The following CDC42BPB variants were observed in gnomAD, a reference collection of about 807,000 sequenced individuals.
The protein encoded by CDC42BPB is serine/threonine-protein kinase MRCK beta.
Under a neutral mutation model 214.9 loss-of-function variants are expected in CDC42BPB, and 37 were observed. The ratio of observed to expected loss-of-function variants is 0.17; its 90% confidence interval spans 0.13 to 0.23. The LOEUF is 0.23. CDC42BPB is among the 10% of genes least tolerant of loss of function. The probability of loss-of-function intolerance (pLI) is 1.00; values close to 1 mark genes in which losing one functional copy is unlikely to be tolerated. For missense variants in CDC42BPB, 1,694 were observed against 2,227.0 expected (o/e 0.76, Z 4.82); for synonymous variants, 931 against 884.0 (o/e 1.05, Z -0.94).
chr14:102,944,342 G>T lies in CDC42BPB; in HGVS notation c.3957C>A (p.Asp1319Glu). ...SSLDGAEGSF[D>E]IKLPETKGCQ... ...AGCCTTTGGTTTCCGGAAGCTTGAT[G>T]TCAAAGCTGCCTTCCGCTCCATCAA... The change falls in exon 30 of 37, where the codon GAC becomes GAA. Residue 1319 changes from aspartate to glutamate, a missense_variant. Asp to Glu is a conservative substitution (Grantham distance 45). Around this residue, in one of 7 missense-constraint regions of CDC42BPB, gnomAD observed 567 missense variants for 790.3 expected, o/e 0.72. Transcript: ENST00000361246. The surrounding 1 kb of genome is among the most constrained non-coding windows in gnomAD (Gnocchi z 6.6). The T allele has an allele frequency of 6.2e-7, 1 of 1,613,126 alleles. No homozygotes were observed. The highest frequency in any genetic ancestry group is 1.6e-4 in the Middle Eastern group (1 of 6,062).
chr14:102,973,782 G>C (rs1307224129), intron 12 of CDC42BPB, among the ~76,000 whole-genome samples: 1 of 152,052 alleles, frequency 6.6e-6, no homozygotes, highest in Non-Finnish European at 1.5e-5. Context: ...TGGGGGCAAG[G>C]GGGTGGAAGG....
In CDC42BPB at chr14:103,001,395, C is replaced by T. The variant is rs1220773244; in HGVS notation, c.448-1682G>A. Among the ~76,000 whole-genome samples the T allele has an allele frequency of 1.3e-5, 2 of 152,158 alleles. No individual in the cohort carries two copies. Among genetic ancestry groups the T allele is most frequent in the Non-Finnish European group, 2.9e-5 (2 of 68,028 alleles). ...CAGGCAGTGGTGAGCGCCAGCTGACCGCAGGCCGCCTGGTGAGGTGCCCAG... is the reference window on the plus strand; with the variant it reads ...CAGGCAGTGGTGAGCGCCAGCTGACTGCAGGCCGCCTGGTGAGGTGCCCAG... On this transcript the variant is annotated intron_variant, in intron 4 of 36. Transcript: ENST00000361246. The surrounding 1 kb of genome is among the most constrained non-coding windows in gnomAD (Gnocchi z 5.8).
intron 1 of CDC42BPB, among the ~76,000 whole-genome samples, chr14:103,019,384 C>T (rs1042976255): frequency 4.6e-5 from 7 of 152,348 alleles, no homozygotes; most frequent in Admixed American, 1.3e-4. Context: ...CCATCACCCA[C>T]AGCGTCAGCC....
intron 1 of CDC42BPB, among the ~76,000 whole-genome samples, chr14:103,026,054 T>G (rs1170493951): frequency 6.6e-6 from 1 of 151,946 alleles, no homozygotes; most frequent in Non-Finnish European, 1.5e-5. Context: ...TACAAAAAAA[T>G]TAACTCAAAA....
At chr14:103,026,439 T>C (rs1042166919) in intron 1 of CDC42BPB, among the ~76,000 whole-genome samples, 2 of 152,078 alleles carry the variant, frequency 1.3e-5, no homozygotes, top group Admixed American at 6.6e-5. Context: ...CTTTGTGGCC[T>C]TGGATTAGGC....
rs150629546 is a variant in CDC42BPB at position 102,944,473 on chromosome 14, C to T, written c.3826G>A (p.Ala1276Thr). 4.2e-5 allele frequency: 68 copies of T among 1,610,550 alleles called. No individual in the cohort carries two copies. The African/African-American group carries it at 6.4e-4, about 15-fold the overall frequency. Reference protein sequence around the residue: ...EVTRDVIVRAADCKKVHQIEL... With the variant: ...EVTRDVIVRATDCKKVHQIEL... ...ATCTGGTGTACCTTCTTACAGTCAG[C>T]GGCACGGACGATCACTGTGGCAAGG... The change falls in exon 30 of 37, where the codon GCT becomes ACT. Residue 1276 changes from alanine to threonine, a missense_variant. Ala to Thr is a moderately conservative substitution (Grantham distance 58). Transcript: ENST00000361246. This position sits in a 1 kb window ranked among gnomAD's most constrained non-coding sequence, Gnocchi z 6.6.
chr14:102,951,478 G>A (rs1382077721), intron 24 of CDC42BPB, among the ~76,000 whole-genome samples: 10 of 151,766 alleles, frequency 6.6e-5, no homozygotes, highest in African/African-American at 1.9e-4. Context: ...CAGGGCAAGA[G>A]CACAAGATAT....
chr14:102,957,493 C>T (rs1298705909), intron 21 of CDC42BPB, among the ~76,000 whole-genome samples: 5 of 152,168 alleles, frequency 3.3e-5, no homozygotes, highest in Admixed American at 6.5e-5. Flanking sequence ...CAGCAGTGCC[C>T]GGCTCCGCAG....
At chr14:102,983,984 G>A in intron 6 of CDC42BPB, 1 of 692,238 alleles carries the variant, frequency 1.4e-6, no homozygotes, top group Non-Finnish European at 1.8e-6. Context: ...GAGCCCAGGA[G>A]CTCAAGGCCA....
In CDC42BPB at chr14:103,004,743, C is replaced by A. The variant is rs1324776468; in HGVS notation, c.352-720G>T. 2.0e-5 allele frequency among the ~76,000 whole-genome samples: 3 copies of A among 152,032 alleles called. No homozygotes were observed. Among genetic ancestry groups the A allele is most frequent in the African/African-American group, 4.8e-5 (2 of 41,368 alleles). On this transcript the variant is annotated intron_variant, in intron 3 of 36. Coordinates refer to ENST00000361246, the MANE Select transcript of CDC42BPB (RefSeq NM_006035.4). This position sits in a 1 kb window ranked among gnomAD's most constrained non-coding sequence, Gnocchi z 5.3. ...AACTAGCCAGGTGTGGTGGCAGGTG[C>A]CTGTAATCCCAGCTACATGGGAGGC...
intron 26 of CDC42BPB, among the ~76,000 whole-genome samples, chr14:102,948,995 C>A (rs1439181372): frequency 1.3e-5 from 2 of 152,238 alleles, no homozygotes; most frequent in African/African-American, 4.8e-5. Flanking sequence ...AGCCCTGCCC[C>A]CAAGAACCAA....
At chr14:103,012,063 T>C (rs1279141121) in intron 2 of CDC42BPB, 34 bp downstream of exon 2, 1 of 1,460,164 alleles carries the variant, frequency 6.8e-7, no homozygotes, top group South Asian at 1.1e-5. Context: ...TTTTGGCAAT[T>C]TAGGCAAAGT....
intron 1 of CDC42BPB, among the ~76,000 whole-genome samples, chr14:103,031,097 A>T (rs1887346248): frequency 6.6e-6 from 1 of 152,060 alleles, no homozygotes; most frequent in South Asian, 2.1e-4. Flanking sequence ...AATTAAAAAA[A>T]ATATTTTATG....
chr14:103,026,825 G>A (rs538970921), intron 1 of CDC42BPB, among the ~76,000 whole-genome samples: 8 of 151,208 alleles, frequency 5.3e-5, no homozygotes, highest in African/African-American at 1.7e-4. Flanking sequence ...CTGAGATCGC[G>A]CCACTGCACT....
chr14:103,005,728 A>G (rs1239370867), intron 3 of CDC42BPB, among the ~76,000 whole-genome samples: 1 of 151,404 alleles, frequency 6.6e-6, no homozygotes, highest in East Asian at 1.9e-4. Context: ...TTTCTTTCAA[A>G]ATGAAATGGT....
rs150402749 is a variant in CDC42BPB, at chr14:103,016,402, T to TG, written c.176-4215dup. ...GCTTCAGGCAGAGCTCAACAGGGAG[T>TG]GGGGGGGTCAGAGCTCCCCAGGATT... On this transcript the variant is annotated intron_variant, in intron 1 of 36. Transcript: ENST00000361246. 6.7e-3 allele frequency among the ~76,000 whole-genome samples: 1,015 copies of TG among 150,424 alleles called. 22 individuals carry two copies. Among genetic ancestry groups the TG allele is most frequent in the African/African-American group, 0.023 (954 of 40,676 alleles).
chr14:102,966,895 G>A (rs557477236), intron 17 of CDC42BPB, 151 bp downstream of exon 17: 7 of 866,062 alleles, frequency 8.1e-6, no homozygotes, highest in South Asian at 5.6e-5. Flanking sequence ...CCCCAGACAT[G>A]AGAAGTTCTG....
At chr14:103,017,484 G>C (rs986582186) in intron 1 of CDC42BPB, among the ~76,000 whole-genome samples, 3 of 152,026 alleles carry the variant, frequency 2.0e-5, no homozygotes, top group Admixed American at 6.6e-5. Flanking sequence ...AGTGAAGTCA[G>C]GCAGACATCA....
intron 5 of CDC42BPB, among the ~76,000 whole-genome samples, chr14:102,992,940 T>C (rs1894563426): frequency 6.6e-6 from 1 of 151,930 alleles, no homozygotes; most frequent in African/African-American, 2.4e-5. Flanking sequence ...GCGATTCTCA[T>C]ACCTCAGCCT....
Sources: gnomAD v4.1 joint callset for allele counts (sites outside exome capture counted in the v4.1 genomes callset) on GRCh38, gnomAD v4.1.1 for gene constraint, gnomAD v4.1.1 regional missense constraint, Gnocchi (gnomAD v3.1) non-coding constraint, MANE v1.5 for transcripts, NCBI Gene and HGNC (gene_info 2026-07-23, HGNC 2026-07-21) for gene names.